Variants in MTUS1 observed in about 807,000 individuals in gnomAD.
The protein encoded by MTUS1 is microtubule associated scaffold protein 1.
MTUS1 carries 109 observed loss-of-function variants against 120.8 expected under a neutral mutation model. That is an observed-to-expected ratio of 0.90 (90% CI 0.77 to 1.06). MTUS1 has a LOEUF of 1.06. MTUS1 is among the 50% of genes least tolerant of loss of function. MTUS1 has a pLI of 0.00. For synonymous variants in MTUS1, 737 were observed against 550.5 expected (o/e 1.34, Z -4.74); for missense variants, 2,210 against 1,486.3 (o/e 1.49, Z -8.01).
At chr8:17,761,559 T>C (rs550267734) in intron 1 of MTUS1, among the ~76,000 whole-genome samples, 1 of 152,350 alleles carries the variant, frequency 6.6e-6, no homozygotes, top group Admixed American at 6.5e-5. Flanking sequence ...GAGGCTTATA[T>C]AAGAGTAGAT....
At chr8:17,687,710 G>A (rs904999775) in intron 6 of MTUS1, among the ~76,000 whole-genome samples, 1 of 152,136 alleles carries the variant, frequency 6.6e-6, no homozygotes, top group Non-Finnish European at 1.5e-5. Context: ...CTAATGAAAT[G>A]GCAGCCTCCA....
chr8:17,736,267 G>C (rs973316451), intron 3 of MTUS1, among the ~76,000 whole-genome samples: 1 of 152,220 alleles, frequency 6.6e-6, no homozygotes, highest in Non-Finnish European at 1.5e-5. Flanking sequence ...AGGATGAAAA[G>C]AGGACATGTG....
At chr8:17,772,003 G>A (rs1586312977) in intron 1 of MTUS1, among the ~76,000 whole-genome samples, 1 of 152,204 alleles carries the variant, frequency 6.6e-6, no homozygotes, top group Non-Finnish European at 1.5e-5. Flanking sequence ...GCCCAGAATT[G>A]TGCAGGGTAG....
rs188639051 is a variant in MTUS1 at position 17,737,710 on chromosome 8, C to A, written c.2287+5894G>T. Among the ~76,000 whole-genome samples, 3 of 152,308 alleles carry A rather than the reference C, an allele frequency of 2.0e-5. No homozygotes were observed. The East Asian group carries it at 5.8e-4, about 29-fold the overall frequency. ...CTCTGTTGCCCAGGTGGGTCTCAATCTCTTGGGCTCAAGTAATCCTCCCAC... is the reference window on the plus strand; with the variant it reads ...CTCTGTTGCCCAGGTGGGTCTCAATATCTTGGGCTCAAGTAATCCTCCCAC... On this transcript the variant is annotated intron_variant, in intron 3 of 14. Coordinates refer to ENST00000693296, the MANE Select transcript of MTUS1 (RefSeq NM_001363059.2).
At chr8:17,800,318 G>A (rs1259897980) in intron 1 of MTUS1, among the ~76,000 whole-genome samples, 2 of 152,062 alleles carry the variant, frequency 1.3e-5, no homozygotes, top group Non-Finnish European at 2.9e-5. Flanking sequence ...AAGCTTCCAC[G>A]CACCGTTTTG....
intron 7 of MTUS1, among the ~76,000 whole-genome samples, chr8:17,680,732 G>C (rs997822998): frequency 3.9e-5 from 6 of 152,056 alleles, no homozygotes; most frequent in Admixed American, 3.3e-4. Context: ...CTTGTGTTTA[G>C]AGGCCAGGTT....
At chr8:17,663,467 C>T in intron 8 of MTUS1, among the ~76,000 whole-genome samples, 1 of 152,172 alleles carries the variant, frequency 6.6e-6, no homozygotes, top group East Asian at 1.9e-4. Context: ...TTTTAATGCT[C>T]AAGAACATAA....
intron 8 of MTUS1, among the ~76,000 whole-genome samples, chr8:17,658,984 A>C (rs112104228): frequency 6.6e-6 from 1 of 152,154 alleles, no homozygotes; most frequent in African/African-American, 2.4e-5. Context: ...AAAATCCCCA[A>C]AACAAAAACT....
At chr8:17,790,054 TA>T (rs1467761265) in intron 1 of MTUS1, among the ~76,000 whole-genome samples, 2 of 152,018 alleles carry the variant, frequency 1.3e-5, no homozygotes, top group Admixed American at 6.6e-5. Context: ...TTTCTACTTT[TA>T]AAAAAAGTTT....
intron 8 of MTUS1, chr8:17,674,943 A>G (rs1465996635): frequency 1.6e-6 from 2 of 1,274,212 alleles, no homozygotes; most frequent in African/African-American, 1.5e-5. Context: ...AGCAAGAGAA[A>G]TATTTTGCTC....
chr8:17,756,303 T>C (rs1431321835), intron 1 of MTUS1, among the ~76,000 whole-genome samples: 1 of 152,186 alleles, frequency 6.6e-6, no homozygotes, highest in Non-Finnish European at 1.5e-5. Flanking sequence ...TCTTGTTGGC[T>C]GACAGAGTGA....
In MTUS1 at chr8:17,667,451, T is replaced by A. The variant is rs534950358; in HGVS notation, c.2905+7735A>T. Reference sequence around the variant, plus strand: ...AAAATTGTAGATAAAAACGGAACAGTGAATGAATCAACACATTCCATATGG... The same window carrying A: ...AAAATTGTAGATAAAAACGGAACAGAGAATGAATCAACACATTCCATATGG... On this transcript the variant is annotated intron_variant, in intron 8 of 14. Transcript: ENST00000693296. Among the ~76,000 whole-genome samples the A allele has an allele frequency of 1.4e-4, 21 of 152,316 alleles. No homozygotes were observed. In the South Asian group the frequency reaches 4.1e-3, roughly 30 times the overall value.
At chr8:17,738,082 T>C (rs889950094) in intron 3 of MTUS1, among the ~76,000 whole-genome samples, 2 of 152,196 alleles carry the variant, frequency 1.3e-5, no homozygotes, top group African/African-American at 4.8e-5. Context: ...ACTACTGTCT[T>C]GAAAGGAATT....
chr8:17,747,667 T>C (rs890407638), intron 2 of MTUS1, among the ~76,000 whole-genome samples: 2 of 152,208 alleles, frequency 1.3e-5, no homozygotes, highest in Non-Finnish European at 2.9e-5. Context: ...TGGCCTGCCT[T>C]GCCCCCCACA....
chr8:17,688,629 A>C (rs1356657665), intron 6 of MTUS1, among the ~76,000 whole-genome samples: 1 of 152,206 alleles, frequency 6.6e-6, no homozygotes, highest in Admixed American at 6.5e-5. Context: ...CTGACACAGA[A>C]GTTCTTTCAG....
intron 6 of MTUS1, among the ~76,000 whole-genome samples, chr8:17,701,229 T>G (rs976538248): frequency 6.6e-6 from 1 of 152,224 alleles, no homozygotes; most frequent in African/African-American, 2.4e-5. Context: ...TGCAACATTT[T>G]CTTCATTTTA....
intron 1 of MTUS1, among the ~76,000 whole-genome samples, chr8:17,800,386 C>G (rs1441616276): frequency 6.6e-6 from 1 of 152,210 alleles, no homozygotes. Flanking sequence ...TTTCTTAGAA[C>G]ACTGACTACT....
intron 7 of MTUS1, among the ~76,000 whole-genome samples, chr8:17,679,452 C>G (rs1813839171): frequency 6.6e-6 from 1 of 151,332 alleles, no homozygotes; most frequent in African/African-American, 2.4e-5. Flanking sequence ...AATTGTTTAA[C>G]TTTACCCATG....
chr8:17,678,209 T>G (rs1813509076), intron 7 of MTUS1, among the ~76,000 whole-genome samples: 1 of 152,208 alleles, frequency 6.6e-6, no homozygotes, highest in Non-Finnish European at 1.5e-5. Context: ...GATGATAAAA[T>G]GCATTATGTC....
Sources: gnomAD v4.1 joint callset for allele counts (sites outside exome capture counted in the v4.1 genomes callset) on GRCh38, gnomAD v4.1.1 for gene constraint, MANE v1.5 for transcripts, NCBI Gene and HGNC (gene_info 2026-07-23, HGNC 2026-07-21) for gene names.